INTS14: variants seen among roughly 807,000 people sequenced by gnomAD.
The protein encoded by INTS14 is integrator complex subunit 14.
A neutral mutation model predicts 56.9 loss-of-function variants in INTS14; 27 were observed. That is an observed-to-expected ratio of 0.47 (90% CI 0.35 to 0.65). The LOEUF is 0.65. Among genes scored for constraint, INTS14 ranks in the 30% least tolerant of loss-of-function variants. INTS14 has a pLI of 0.00. For missense variants in INTS14, 517 were observed against 632.2 expected (o/e 0.82, Z 1.95); for synonymous variants, 207 against 236.2 (o/e 0.88, Z 1.13).
intron 2 of INTS14, among the ~76,000 whole-genome samples, chr15:65,606,005 C>T (rs1343511405): frequency 2.0e-5 from 3 of 151,776 alleles, no homozygotes; most frequent in African/African-American, 7.3e-5. Context: ...CCTGTAATCC[C>T]AGCACTTTGG....
At chr15:65,599,686 A>G in intron 4 of INTS14, 88 bp downstream of exon 4, 1 of 1,423,312 alleles carries the variant, frequency 7.0e-7, no homozygotes, top group South Asian at 1.4e-5. Context: ...TACAGTATAT[A>G]CAATATAGCA....
rs778678269 is a variant in INTS14, at chr15:65,598,888, C to T, written c.589G>A (p.Val197Ile). 6.2e-6 allele frequency: 10 copies of T among 1,613,398 alleles called. No individual in the cohort carries two copies. In the Admixed American group the frequency reaches 1.3e-4, roughly 22 times the overall value. Reference sequence around the variant, plus strand: ...TATACTCACCCAAACATAGACTGTACATTCTTCAAGCACAGGGGGCCATCA... The same window carrying T: ...TATACTCACCCAAACATAGACTGTATATTCTTCAAGCACAGGGGGCCATCA... ...TIDGPLCLKN[V>I]QSMFGKLIDL... The change falls in exon 5 of 12, where the codon GTA becomes ATA. Residue 197 changes from valine (V) to isoleucine (I), a missense_variant. Transcript: ENST00000313182.
chr15:65,599,914 C>A lies in INTS14; in HGVS notation c.346G>T (p.Asp116Tyr), dbSNP rs368300427. Residue 116 changes from aspartate (D) to tyrosine (Y), a missense_variant, in exon 4 of 12, where the codon GAC (aspartate) becomes TAC (tyrosine). Asp to Tyr is a radical substitution (Grantham distance 160, BLOSUM62 -3). Transcript: ENST00000313182. Reference sequence around the variant, plus strand: ...CCTCTACCAATGCCAAGACAGCCGTCTGTCACCAGGACAACCTGTTTGTAA... The same window carrying A: ...CCTCTACCAATGCCAAGACAGCCGTATGTCACCAGGACAACCTGTTTGTAA... ...AIPCQVVLVT[D>Y]GCLGIGRGSL... 3.1e-6 allele frequency: 5 copies of A among 1,613,150 alleles called. No individual in the cohort carries two copies. The highest frequency in any genetic ancestry group is 4.2e-6 in the Non-Finnish European group (5 of 1,179,616).
At chr15:65,593,651 T>C (rs774441233) in intron 7 of INTS14, 79 bp from the exon 8 acceptor site, 1 of 1,520,676 alleles carries the variant, frequency 6.6e-7, no homozygotes, top group Non-Finnish European at 8.8e-7. Context: ...CTTGGATGTT[T>C]CTAGCCTTTA....
chr15:65,589,355 G>A (rs1023833474), intron 9 of INTS14, among the ~76,000 whole-genome samples: 2 of 152,080 alleles, frequency 1.3e-5, no homozygotes, highest in African/African-American at 4.8e-5. Context: ...ATAGGGTTTC[G>A]CTATGTTGGC....
chr15:65,610,493 C>T (rs1253372184), intron 1 of INTS14, among the ~76,000 whole-genome samples: 1 of 133,690 alleles, frequency 7.5e-6, no homozygotes, highest in East Asian at 2.5e-4. Flanking sequence ...GTTCAAACAA[C>T]TAGGGCTCTT....
Position 65,599,853 on chromosome 15 carries a change from CGTT to C in INTS14, c.404_406del (p.Gln135del). On this transcript the variant is annotated inframe_deletion, in exon 4 of 12. Coordinates refer to ENST00000313182, the MANE Select transcript of INTS14 (RefSeq NM_001394796.1). Reference sequence around the variant, plus strand: ...TAGTGGAAACCTGTTGCTCTCACTTCGTTGATTTTGAGTGGCTAGGGAATGTCG... The same window carrying C: ...TAGTGGAAACCTGTTGCTCTCACTTCGATTTTGAGTGGCTAGGGAATGTCG... 3 of 1,614,156 alleles carry C rather than the reference CGTT, an allele frequency of 1.9e-6. No homozygotes were observed. The highest frequency in any genetic ancestry group is 2.5e-6 in the Non-Finnish European group (3 of 1,180,010).
intron 1 of INTS14, among the ~76,000 whole-genome samples, chr15:65,610,376 T>C (rs2073859305): frequency 6.6e-6 from 1 of 152,162 alleles, no homozygotes. Context: ...GGGGAATCCC[T>C]GCCCACCACA....
At chr15:65,602,123 G>T (rs928915607) in intron 3 of INTS14, among the ~76,000 whole-genome samples, 16 of 152,018 alleles carry the variant, frequency 1.1e-4, no homozygotes, top group African/African-American at 3.9e-4. Flanking sequence ...TGCAGTCCCA[G>T]CTACTCATCA....
Position 65,599,910 on chromosome 15 carries a change from C to T in INTS14, c.350G>A (p.Gly117Asp). 6.2e-7 allele frequency: 1 copy of T among 1,612,828 alleles called. No individual in the cohort carries two copies. Residue 117 changes from glycine (G) to aspartate (D), a missense_variant, in exon 4 of 12, where the codon GGC (glycine) becomes GAC (aspartate). Gly to Asp is a moderately conservative substitution (Grantham distance 94). Transcript: ENST00000313182. ...TGACCCTCTACCAATGCCAAGACAG[C>T]CGTCTGTCACCAGGACAACCTGTTT... ...IPCQVVLVTD[G>D]CLGIGRGSLR... is the part of the protein sequence containing the mutation.
intron 10 of INTS14, 112 bp from the exon 11 acceptor site, chr15:65,582,131 C>T (rs2072646686): frequency 2.2e-6 from 2 of 920,436 alleles, no homozygotes; most frequent in Non-Finnish European, 3.2e-6. Flanking sequence ...AACACAGCTA[C>T]AATGTCAAGA....
rs2073362664 is a variant in INTS14 at position 65,599,888 on chromosome 15, C to G, written c.372G>C (p.Gly124=). 1 of 1,613,890 alleles carries G rather than the reference C, an allele frequency of 6.2e-7. No homozygotes were observed. Among genetic ancestry groups the G allele is most frequent in the Non-Finnish European group, 8.5e-7 (1 of 1,179,932 alleles). ...VTDGCLGIGR[G]SLRHSLATQN... ...GAGTGGCTAGGGAATGTCGCAGTGACCCTCTACCAATGCCAAGACAGCCGT... is the reference window on the plus strand; with the variant it reads ...GAGTGGCTAGGGAATGTCGCAGTGAGCCTCTACCAATGCCAAGACAGCCGT... Residue 124 remains glycine (G), a synonymous_variant, in exon 4 of 12, where the codon GGG becomes GGC. Coordinates refer to ENST00000313182, the MANE Select transcript of INTS14 (RefSeq NM_001394796.1).
At chr15:65,593,637 T>C in intron 7 of INTS14, 65 bp from the exon 8 acceptor site, 1 of 1,555,926 alleles carries the variant, frequency 6.4e-7, no homozygotes, top group Non-Finnish European at 8.7e-7. Context: ...CCCCAATTTA[T>C]ACTCTTGGAT....
chr15:65,584,680 T>A, intron 10 of INTS14, 90 bp downstream of exon 10: 1 of 1,105,360 alleles, frequency 9.0e-7, no homozygotes, highest in Non-Finnish European at 1.3e-6. Flanking sequence ...TTACTAAGTA[T>A]CAAAGGAAAA....
At chr15:65,584,600 T>C (rs1188528875) in intron 10 of INTS14, among the ~76,000 whole-genome samples, 170 bp downstream of exon 10, 1 of 152,228 alleles carries the variant, frequency 6.6e-6, no homozygotes, top group Non-Finnish European at 1.5e-5. Context: ...GATTTTGCTA[T>C]ATACATGTTT....
At chr15:65,600,749 TGTA>T (rs553695307) in intron 3 of INTS14, among the ~76,000 whole-genome samples, 68 of 152,278 alleles carry the variant, frequency 4.5e-4, no homozygotes, top group African/African-American at 1.6e-3. Flanking sequence ...ATATCTTAAT[TGTA>T]GTAGTGGTTA....
intron 9 of INTS14, among the ~76,000 whole-genome samples, chr15:65,590,164 T>A (rs1256336849): frequency 6.6e-6 from 1 of 152,176 alleles, no homozygotes; most frequent in African/African-American, 2.4e-5. Context: ...TCTTCACATT[T>A]CCAGGATTAA....
chr15:65,606,937 G>C (rs1430181817), intron 2 of INTS14, among the ~76,000 whole-genome samples: 1 of 152,062 alleles, frequency 6.6e-6, no homozygotes, highest in African/African-American at 2.4e-5. Context: ...ACCAAGAGAG[G>C]AAAATAAGGG....
At chr15:65,596,858 C>T (rs1423838654) in intron 6 of INTS14, among the ~76,000 whole-genome samples, 1 of 152,198 alleles carries the variant, frequency 6.6e-6, no homozygotes, top group South Asian at 2.1e-4. Context: ...GCCACCGTGC[C>T]CGACCCTATT....
Sources: gnomAD v4.1 joint callset for allele counts (sites outside exome capture counted in the v4.1 genomes callset) on GRCh38, gnomAD v4.1.1 for gene constraint, MANE v1.5 for transcripts, NCBI Gene and HGNC (gene_info 2026-07-23, HGNC 2026-07-21) for gene names.